CHORDC1: variants seen among roughly 807,000 people sequenced by gnomAD.
CHORDC1 encodes cysteine and histidine rich domain containing 1, also known as cysteine and histidine-rich domain-containing protein 1.
A neutral mutation model predicts 48.3 loss-of-function variants in CHORDC1; 25 were observed. The ratio of observed to expected loss-of-function variants is 0.52; its 90% confidence interval spans 0.38 to 0.72. CHORDC1 has a LOEUF of 0.72. Among genes scored for constraint, CHORDC1 ranks in the 30% least tolerant of loss-of-function variants. The pLI is 0.00. For missense variants in CHORDC1, 317 were observed against 388.7 expected (o/e 0.82, Z 1.55); for synonymous variants, 128 against 126.4 (o/e 1.01, Z -0.09).
chr11:90,218,546 A>T (rs1858077704), intron 1 of CHORDC1, among the ~76,000 whole-genome samples: 1 of 152,262 alleles, frequency 6.6e-6, no homozygotes, highest in South Asian at 2.1e-4. Flanking sequence ...TCAAACTTGA[A>T]GTATTCTTAT....
chr11:90,217,553 A>T (rs1309966526), intron 2 of CHORDC1, among the ~76,000 whole-genome samples: 2 of 152,208 alleles, frequency 1.3e-5, no homozygotes, highest in African/African-American at 4.8e-5. Flanking sequence ...GTAGTGACAG[A>T]CTGAGATTCA....
chr11:90,204,653 G>A (rs11018910), intron 8 of CHORDC1, among the ~76,000 whole-genome samples: 64,423 of 151,584 alleles, frequency 0.42, 14,219 homozygotes, highest in East Asian at 0.59. Context: ...CCCGGGAGGC[G>A]GAGGTTGCAG....
intron 3 of CHORDC1, among the ~76,000 whole-genome samples, chr11:90,214,675 A>G (rs1310730015): frequency 2.0e-5 from 3 of 152,116 alleles, no homozygotes; most frequent in Admixed American, 6.5e-5. Flanking sequence ...TTGGCAGGTG[A>G]TAACATTCAA....
chr11:90,222,615 G>C (rs1317532295), intron 1 of CHORDC1: 2 of 661,186 alleles, frequency 3.0e-6, no homozygotes, highest in Non-Finnish European at 5.6e-6. Context: ...AAGGAGTGCG[G>C]GGACGACGGG....
intron 2 of CHORDC1, among the ~76,000 whole-genome samples, chr11:90,216,968 CAGA>C (rs1024723769): frequency 6.6e-6 from 1 of 152,090 alleles, no homozygotes; most frequent in Non-Finnish European, 1.5e-5. Flanking sequence ...ACAAAAATAT[CAGA>C]AGAAATGGCA....
intron 1 of CHORDC1, among the ~76,000 whole-genome samples, chr11:90,221,346 T>TA (rs1324263727): frequency 1.3e-5 from 2 of 152,136 alleles, no homozygotes; most frequent in Non-Finnish European, 2.9e-5. Flanking sequence ...TCTAAGTCTC[T>TA]AAAAAAACCG....
At chr11:90,216,387 T>C (rs1008897295) in intron 2 of CHORDC1, 4 of 236,612 alleles carry the variant, frequency 1.7e-5, no homozygotes, top group African/African-American at 7.1e-5. Flanking sequence ...TTCAGCAAGA[T>C]TGTCCTTTTC....
At chr11:90,206,918 CTG>C (rs1254896934) in intron 6 of CHORDC1, 3 of 424,446 alleles carry the variant, frequency 7.1e-6, no homozygotes, top group South Asian at 1.9e-5. Flanking sequence ...AAATAAAATT[CTG>C]TGTTTATCTT....
chr11:90,221,534 T>C (rs546414804), intron 1 of CHORDC1, among the ~76,000 whole-genome samples: 7 of 152,294 alleles, frequency 4.6e-5, no homozygotes, highest in African/African-American at 1.7e-4. Context: ...TATTGTCTCA[T>C]AAGCAAAGCG....
At chr11:90,207,786 A>AAAAAAAAC in intron 6 of CHORDC1, 1 of 150,432 alleles carries the variant, frequency 6.6e-6, no homozygotes, top group Non-Finnish European at 1.5e-5. Flanking sequence ...AAACAAAAAA[A>AAAAAAAAC]ACTCGTATAA....
rs1447728672 is a variant in CHORDC1 at position 90,202,389 on chromosome 11, T to G, written c.*16A>C. On this transcript the variant is annotated 3_prime_UTR_variant, in exon 11 of 11. Coordinates refer to ENST00000320585, the MANE Select transcript of CHORDC1 (RefSeq NM_012124.3). ...AAATTCGGAAATAATGTAATAGCCTTCCTTCCATCTCCCACTCAATCTGTT... is the reference window on the plus strand; with the variant it reads ...AAATTCGGAAATAATGTAATAGCCTGCCTTCCATCTCCCACTCAATCTGTT... 3.7e-6 allele frequency: 6 copies of G among 1,609,692 alleles called. No individual in the cohort carries two copies. The highest frequency in any genetic ancestry group is 4.2e-6 in the Non-Finnish European group (5 of 1,178,282).
intron 10 of CHORDC1, 32 bp from the exon 11 acceptor site, chr11:90,202,583 C>T (rs772676934): frequency 6.2e-7 from 1 of 1,604,950 alleles, no homozygotes; most frequent in South Asian, 1.1e-5. Flanking sequence ...TACAGGAAAC[C>T]TCAGTAGTTT....
At chr11:90,205,701 C>T in intron 7 of CHORDC1, 136 bp from the exon 8 acceptor site, 1 of 617,746 alleles carries the variant, frequency 1.6e-6, no homozygotes, top group Non-Finnish European at 2.8e-6. Flanking sequence ...GTCTAAGTTA[C>T]TAAAAATGAA....
intron 8 of CHORDC1, 68 bp from the exon 9 acceptor site, chr11:90,203,495 T>C: frequency 7.0e-7 from 1 of 1,435,728 alleles, no homozygotes; most frequent in Non-Finnish European, 9.4e-7. Flanking sequence ...AAAGAGGAAT[T>C]TGACCCATCT....
At chr11:90,222,331 C>A (rs983365435) in intron 1 of CHORDC1, among the ~76,000 whole-genome samples, 19 of 152,290 alleles carry the variant, frequency 1.2e-4, no homozygotes, top group Admixed American at 4.6e-4. Context: ...ATCAAAACAG[C>A]GTGAAGATAC....
chr11:90,202,914 C>G, intron 9 of CHORDC1, 39 bp from the exon 10 acceptor site: 1 of 1,551,428 alleles, frequency 6.4e-7, no homozygotes, highest in Non-Finnish European at 8.7e-7. Flanking sequence ...CTAATTCAAA[C>G]TGAAGATTTA....
At chr11:90,213,767 C>T in intron 4 of CHORDC1, 2 of 463,578 alleles carry the variant, frequency 4.3e-6, no homozygotes, top group East Asian at 6.6e-5. Context: ...CTTCCCTACC[C>T]TGATGATACA....
chr11:90,218,064 A>G (rs1858063424), intron 2 of CHORDC1, 71 bp downstream of exon 2: 2 of 1,147,448 alleles, frequency 1.7e-6, no homozygotes, highest in South Asian at 3.3e-5. Flanking sequence ...AAAGATGAGA[A>G]AATAAAGATT....
At chr11:90,218,957 T>TAAA (rs67038713) in intron 1 of CHORDC1, among the ~76,000 whole-genome samples, 1 of 145,422 alleles carries the variant, frequency 6.9e-6, no homozygotes. Context: ...ACTTTTTAAT[T>TAAA]AAAAAAAAAA....
Sources: allele counts gnomAD v4.1 joint callset (sites outside exome capture counted in the v4.1 genomes callset), GRCh38; gene constraint gnomAD v4.1.1; transcripts MANE v1.5; gene names NCBI Gene and HGNC (gene_info 2026-07-23, HGNC 2026-07-21).